The following TBCK variants were observed in gnomAD, a reference collection of about 807,000 sequenced individuals.
The protein encoded by TBCK is TBC domain-containing protein kinase-like protein.
A neutral mutation model predicts 113.4 loss-of-function variants in TBCK; 99 were observed. The ratio of observed to expected loss-of-function variants is 0.87; its 90% CI spans 0.74 to 1.03. The LOEUF is 1.03. Among genes scored for constraint, TBCK ranks in the 50% least tolerant of loss-of-function variants. The pLI is 0.00. For missense variants in TBCK, 1,045 were observed against 1,061.3 expected (o/e 0.98, Z 0.21); for synonymous variants, 369 against 370.8 (o/e 1.00, Z 0.05).
chr4:106,064,348 TA>T (rs1272516499), intron 25 of TBCK, among the ~76,000 whole-genome samples: 2 of 152,006 alleles, frequency 1.3e-5, no homozygotes, highest in East Asian at 3.9e-4. Context: ...GTCTCTTGTC[TA>T]GGTTTCTAGA....
chr4:106,119,169 G>T (rs1743939541), intron 23 of TBCK, among the ~76,000 whole-genome samples: 1 of 152,094 alleles, frequency 6.6e-6, no homozygotes, highest in Non-Finnish European at 1.5e-5. Flanking sequence ...TAGATATTGT[G>T]TGTCTATATC....
intron 23 of TBCK, among the ~76,000 whole-genome samples, chr4:106,122,006 G>T (rs1744454931): frequency 6.6e-6 from 1 of 152,008 alleles, no homozygotes; most frequent in South Asian, 2.1e-4. Flanking sequence ...CTAGCAGAAG[G>T]CAAGAAATAA....
intron 23 of TBCK, among the ~76,000 whole-genome samples, chr4:106,165,145 A>C (rs1750222148): frequency 6.6e-6 from 1 of 151,788 alleles, no homozygotes. Flanking sequence ...TTAAAAAATC[A>C]AAGATTAAGT....
intron 3 of TBCK, among the ~76,000 whole-genome samples, chr4:106,275,609 T>A (rs1230674788): frequency 6.6e-6 from 1 of 152,154 alleles, no homozygotes; most frequent in Non-Finnish European, 1.5e-5. Flanking sequence ...ATATAAAAAA[T>A]TCACATATTT....
At chr4:106,101,244 G>A (rs1411443307) in intron 24 of TBCK, among the ~76,000 whole-genome samples, 2 of 152,056 alleles carry the variant, frequency 1.3e-5, no homozygotes, top group African/African-American at 2.4e-5. Context: ...ACAGCAAATC[G>A]GAGCTCTTTA....
At chr4:106,227,370 T>C (rs141899212) in intron 19 of TBCK, among the ~76,000 whole-genome samples, 45 of 146,382 alleles carry the variant, frequency 3.1e-4, no homozygotes, top group African/African-American at 1.2e-3. Context: ...CAAATGTTTT[T>C]ATGTGCTAAG....
chr4:106,170,319 T>C (rs1274070664), intron 23 of TBCK, among the ~76,000 whole-genome samples: 1 of 152,136 alleles, frequency 6.6e-6, no homozygotes, highest in Non-Finnish European at 1.5e-5. Context: ...AAATATCTTA[T>C]AATCTTTCAT....
chr4:106,292,174 C>A lies in TBCK; in HGVS notation c.266+2920G>T, dbSNP rs139530725. The stretch of plus-strand genomic sequence containing the variant: ...AAAAAGGTTGCTTCTAAATGTGAGT[C>A]TATGCACTGTGCCATCCATACAGAA... On this transcript the variant is annotated intron_variant, in intron 3 of 25. Transcript: ENST00000394708. Among the ~76,000 whole-genome samples the A allele has an allele frequency of 1.7e-3, 259 of 152,252 alleles. 1 individual carries two copies. The highest frequency in any genetic ancestry group is 3.4e-3 in the Non-Finnish European group (231 of 68,016).
intron 22 of TBCK, among the ~76,000 whole-genome samples, chr4:106,175,888 T>C (rs1209209966): frequency 6.6e-6 from 1 of 152,146 alleles, no homozygotes; most frequent in East Asian, 1.9e-4. Flanking sequence ...AAGTAACTTC[T>C]GGGTATTGAC....
chr4:106,177,755 T>C (rs1751858906), intron 22 of TBCK, among the ~76,000 whole-genome samples: 1 of 151,816 alleles, frequency 6.6e-6, no homozygotes, highest in South Asian at 2.1e-4. Flanking sequence ...ATTTGGGAAT[T>C]AGTGTGAGGC....
At chr4:106,117,251 C>T (rs1455703007) in intron 23 of TBCK, among the ~76,000 whole-genome samples, 1 of 152,120 alleles carries the variant, frequency 6.6e-6, no homozygotes, top group Non-Finnish European at 1.5e-5. Flanking sequence ...ATATAAACTA[C>T]TGTTGTTTTG....
intron 1 of TBCK, among the ~76,000 whole-genome samples, chr4:106,309,260 A>T (rs192107054): frequency 6.7e-6 from 1 of 149,924 alleles, no homozygotes. Context: ...TAAAGAGTAG[A>T]GGAAGTTTGT....
At chr4:106,151,000 T>C (rs1748415056) in intron 23 of TBCK, among the ~76,000 whole-genome samples, 1 of 152,016 alleles carries the variant, frequency 6.6e-6, no homozygotes, top group African/African-American at 2.4e-5. Context: ...GAAAGAAAGG[T>C]AGGTTTTTAT....
chr4:106,259,184 A>G (rs1762273741), intron 5 of TBCK, among the ~76,000 whole-genome samples: 1 of 151,934 alleles, frequency 6.6e-6, no homozygotes, highest in African/African-American at 2.4e-5. Flanking sequence ...ACACAGTCAT[A>G]AACTTAAAAA....
intron 11 of TBCK, among the ~76,000 whole-genome samples, chr4:106,243,634 A>T (rs554416880): frequency 1.3e-5 from 2 of 152,062 alleles, no homozygotes; most frequent in Non-Finnish European, 2.9e-5. Context: ...TGATGAGCAG[A>T]TGACTTCTAC....
intron 25 of TBCK, among the ~76,000 whole-genome samples, chr4:106,085,747 C>T (rs1490200747): frequency 6.6e-6 from 1 of 152,190 alleles, no homozygotes; most frequent in Non-Finnish European, 1.5e-5. Flanking sequence ...GAAATCATAA[C>T]AGTTTCTCAG....
rs61733982 is a variant in TBCK at position 106,095,585 on chromosome 4, G to A, written c.2468C>T (p.Thr823Ile). The change falls in exon 25 of 26, where the codon ACT becomes ATT. Residue 823 changes from threonine to isoleucine, a missense_variant. Coordinates refer to ENST00000394708, the MANE Select transcript of TBCK (RefSeq NM_001163435.3). ...GCCCTGGGTAAGCTCCCCTTCTGCA[G>A]TGAAGGCAGCACTGAATGGAATGTT... ...SINIPFSAAF[T>I]AEGELTQGPY... 3.8e-4 allele frequency: 610 copies of A among 1,613,972 alleles called. No homozygotes were observed. The highest frequency in any genetic ancestry group is 2.5e-4 in the Non-Finnish European group (296 of 1,179,956).
intron 23 of TBCK, among the ~76,000 whole-genome samples, chr4:106,119,418 C>T (rs936732361): frequency 6.6e-6 from 1 of 152,020 alleles, no homozygotes; most frequent in African/African-American, 2.4e-5. Flanking sequence ...GGGGAAAGGA[C>T]AGTCTTTTCA....
intron 3 of TBCK, 39 bp from the exon 4 acceptor site, chr4:106,262,251 C>G: frequency 8.5e-7 from 1 of 1,178,578 alleles, no homozygotes; most frequent in South Asian, 1.4e-5. Flanking sequence ...AATTACAAAG[C>G]AAATAAATAA....
Sources: allele counts gnomAD v4.1 joint callset (sites outside exome capture counted in the v4.1 genomes callset), GRCh38; gene constraint gnomAD v4.1.1; transcripts MANE v1.5; gene names NCBI Gene and HGNC (gene_info 2026-07-23, HGNC 2026-07-21).